The following RAB3IP variants were observed in gnomAD, a reference collection of about 807,000 sequenced individuals.
RAB3IP encodes the protein RAB3A interacting protein.
RAB3IP carries 36 observed loss-of-function variants against 59.1 expected under a neutral mutation model. The ratio of observed to expected loss-of-function variants is 0.61; its 90% CI spans 0.47 to 0.80. RAB3IP has a LOEUF of 0.80. Among genes scored for constraint, RAB3IP ranks in the 30% least tolerant of loss-of-function variants. The probability of loss-of-function intolerance (pLI) is 0.00; values close to 1 mark genes in which losing one functional copy is unlikely to be tolerated. For missense variants in RAB3IP, 511 were observed against 536.0 expected (o/e 0.95, Z 0.46); for synonymous variants, 207 against 191.2 (o/e 1.08, Z -0.68).
chr12:69,780,944 C>G (rs1001295208), intron 3 of RAB3IP, among the ~76,000 whole-genome samples: 2 of 152,102 alleles, frequency 1.3e-5, no homozygotes, highest in African/African-American at 4.8e-5. Context: ...ACTGTCTCTT[C>G]CCTTTTCCTG....
intron 3 of RAB3IP, among the ~76,000 whole-genome samples, chr12:69,775,444 A>G (rs1412841661): frequency 2.6e-5 from 3 of 115,212 alleles, no homozygotes; most frequent in African/African-American, 1.0e-4. Flanking sequence ...AACTTCCAAC[A>G]CTATGTTGAA....
At chr12:69,787,048 GAA>G (rs899201916) in intron 4 of RAB3IP, among the ~76,000 whole-genome samples, 8 of 152,106 alleles carry the variant, frequency 5.3e-5, no homozygotes, top group African/African-American at 1.9e-4. Context: ...ATTGTCTTAT[GAA>G]AAGATTCTTT....
At chr12:69,787,212 A>G (rs1262147195) in intron 4 of RAB3IP, among the ~76,000 whole-genome samples, 1 of 152,174 alleles carries the variant, frequency 6.6e-6, no homozygotes, top group African/African-American at 2.4e-5. Flanking sequence ...GTATGTAGCA[A>G]AGTTGAGTTT....
Position 69,783,849 on chromosome 12 carries a change from A to G in RAB3IP, c.511-871A>G, listed in dbSNP as rs377732536. On this transcript the variant is annotated intron_variant, in intron 3 of 10. Transcript: ENST00000247833. Reference sequence around the variant, plus strand: ...TCCACATTCTCTTAGTATTCTGAGAATTATGGAGATTCTCTTTTACTTAGT... The same window carrying G: ...TCCACATTCTCTTAGTATTCTGAGAGTTATGGAGATTCTCTTTTACTTAGT... Among the ~76,000 whole-genome samples, 42 of 152,298 alleles carry G rather than the reference A, an allele frequency of 2.8e-4. No individual in the cohort carries two copies. The South Asian group carries it at 8.3e-3, about 30-fold the overall frequency.
rs1231739695 is a variant in RAB3IP, at chr12:69,738,895, G to C, written c.-162G>C. On this transcript the variant is annotated 5_prime_UTR_variant, in exon 1 of 11. Coordinates refer to ENST00000247833, the MANE Select transcript of RAB3IP (RefSeq NM_022456.5). ...TCCCGCGTTCCCTCGGCGGCTGCCG[G>C]CGTAGTGAGCCCGCCGCCGTGGAGT... The C allele has an allele frequency of 6.6e-6, 1 of 152,078 alleles. No homozygotes were observed. The highest frequency in any genetic ancestry group is 1.5e-5 in the Non-Finnish European group (1 of 68,018). The allele number at this position is 152,078 out of a possible 1,614,324, so 9.4% of individuals were successfully genotyped here. A position where few individuals can be genotyped will look rare whatever the true frequency, so the allele number is the denominator to read the frequency against.
At chr12:69,814,763 G>T (rs1022036620) in intron 10 of RAB3IP, among the ~76,000 whole-genome samples, 3 of 152,186 alleles carry the variant, frequency 2.0e-5, no homozygotes, top group South Asian at 2.1e-4. Flanking sequence ...ACCTTTTATT[G>T]TCTGAAATAA....
chr12:69,792,618 C>G (rs1876815122), intron 4 of RAB3IP, among the ~76,000 whole-genome samples: 1 of 152,028 alleles, frequency 6.6e-6, no homozygotes, highest in Non-Finnish European at 1.5e-5. Context: ...TGTTTTTTGT[C>G]AATTTTTAAA....
At chr12:69,766,964 A>G (rs947804508) in intron 3 of RAB3IP, among the ~76,000 whole-genome samples, 16 of 152,184 alleles carry the variant, frequency 1.1e-4, no homozygotes, top group African/African-American at 3.9e-4. Flanking sequence ...TGAATTCTTT[A>G]TCTGTCATTT....
At chr12:69,760,091 T>A (rs1168111346) in intron 3 of RAB3IP, among the ~76,000 whole-genome samples, 1 of 152,162 alleles carries the variant, frequency 6.6e-6, no homozygotes, top group East Asian at 1.9e-4. Flanking sequence ...CTGGGCAACA[T>A]TGAGCCCTGA....
rs552307153 is a variant in RAB3IP, at chr12:69,818,546, G to A, written c.*3100G>A. ...CAGGTCCCCCAGATCACACATATAA[G>A]AATGTTCTGGAATAAATTAAAATGT... On this transcript the variant is annotated 3_prime_UTR_variant, in exon 11 of 11. Transcript: ENST00000247833. The A allele has an allele frequency of 1.1e-4, 17 of 151,990 alleles. No homozygotes were observed. In the South Asian group the frequency reaches 2.7e-3, roughly 24 times the overall value. The allele number at this position is 151,990 out of a possible 1,614,324, so 9.4% of individuals were successfully genotyped here. A position where few individuals can be genotyped will look rare whatever the true frequency, so the allele number is the denominator to read the frequency against.
rs1173534918 is a variant in RAB3IP, at chr12:69,812,953, A to G, written c.1231-11A>G. The stretch of plus-strand genomic sequence containing the variant: ...TTTGACCATTCATGACATTTTCTCC[A>G]TTTGGCCTAGATCACTTCTGTATGT... On this transcript the variant is annotated splice_polypyrimidine_tract_variant and intron_variant, in intron 9 of 10. Transcript: ENST00000247833. 2.5e-5 allele frequency: 41 copies of G among 1,612,578 alleles called. No homozygotes were observed. Among genetic ancestry groups the G allele is most frequent in the Non-Finnish European group, 3.2e-5 (38 of 1,178,752 alleles).
rs939990217 is a variant in RAB3IP, at chr12:69,822,374, C to G, written c.*6928C>G. 6.6e-6 allele frequency: 1 copy of G among 152,038 alleles called. No homozygotes were observed. The highest frequency in any genetic ancestry group is 2.4e-5 in the African/African-American group (1 of 41,374). The allele number at this position is 152,038 out of a possible 1,614,324, so 9.4% of individuals were successfully genotyped here. On this transcript the variant is annotated 3_prime_UTR_variant, in exon 11 of 11. Coordinates refer to ENST00000247833, the MANE Select transcript of RAB3IP (RefSeq NM_022456.5). ...CCAACACATTCTGCCACAGAGATCT[C>G]TCTGAGTTAAATGGGATTGTATCAT...
intron 1 of RAB3IP, among the ~76,000 whole-genome samples, 167 bp from the exon 2 acceptor site, chr12:69,755,217 T>C (rs1869996292): frequency 6.6e-6 from 1 of 152,200 alleles, no homozygotes. Context: ...TAGCTGGTAC[T>C]ACAGGCATAT....
At chr12:69,751,654 T>C (rs1309941681) in intron 1 of RAB3IP, among the ~76,000 whole-genome samples, 1 of 152,194 alleles carries the variant, frequency 6.6e-6, no homozygotes, top group African/African-American at 2.4e-5. Flanking sequence ...AATCACAGTA[T>C]CAATATTACT....
At chr12:69,771,039 GCTATTCTCTGCTCTACTT>G in intron 3 of RAB3IP, among the ~76,000 whole-genome samples, 1 of 152,054 alleles carries the variant, frequency 6.6e-6, no homozygotes, top group South Asian at 2.1e-4. Flanking sequence ...TTTGATAACC[GCTATTCTCTGCTCTACTT>G]CTATGAGATC....
At chr12:69,786,748 A>G (rs1875716506) in intron 4 of RAB3IP, among the ~76,000 whole-genome samples, 1 of 152,112 alleles carries the variant, frequency 6.6e-6, no homozygotes, top group African/African-American at 2.4e-5. Flanking sequence ...ACAGAAAGAA[A>G]CTTCTCCCTG....
chr12:69,807,688 G>A (rs373538661), intron 8 of RAB3IP, among the ~76,000 whole-genome samples: 36 of 145,066 alleles, frequency 2.5e-4, no homozygotes, highest in Admixed American at 6.8e-4. Flanking sequence ...GACGATGGGC[G>A]GCCGGGCAGA....
chr12:69,762,384 T>G (rs1389874546), intron 3 of RAB3IP, among the ~76,000 whole-genome samples: 2 of 152,214 alleles, frequency 1.3e-5, no homozygotes, highest in Non-Finnish European at 2.9e-5. Context: ...GAATATGCAT[T>G]TTCATCAAAC....
At chr12:69,753,211 A>G (rs1382781016) in intron 1 of RAB3IP, among the ~76,000 whole-genome samples, 1 of 152,192 alleles carries the variant, frequency 6.6e-6, no homozygotes, top group Non-Finnish European at 1.5e-5. Context: ...ATCTCTTTCA[A>G]CTTTGCTGAA....
Sources: gnomAD v4.1 joint callset for allele counts (sites outside exome capture counted in the v4.1 genomes callset) on GRCh38, gnomAD v4.1.1 for gene constraint, MANE v1.5 for transcripts, NCBI Gene and HGNC (gene_info 2026-07-23, HGNC 2026-07-21) for gene names.